The following ADAMTS14 variants were observed in gnomAD, a reference collection of about 807,000 sequenced individuals.
ADAMTS14 encodes the protein A disintegrin and metalloproteinase with thrombospondin motifs 14.
Under a neutral mutation model 128.6 loss-of-function variants are expected in ADAMTS14, and 100 were observed. The ratio of observed to expected loss-of-function variants is 0.78; its 90% CI spans 0.66 to 0.92. ADAMTS14 has a LOEUF of 0.92. ADAMTS14 is among the 40% of genes least tolerant of loss of function. The pLI is 0.00. For synonymous variants in ADAMTS14, 665 were observed against 653.8 expected (o/e 1.02, Z -0.26); for missense variants, 1,562 against 1,658.6 (o/e 0.94, Z 1.01).
chr10:70,687,339 C>T (rs1840005356), intron 2 of ADAMTS14, among the ~76,000 whole-genome samples: 1 of 77,382 alleles, frequency 1.3e-5, no homozygotes, highest in African/African-American at 5.1e-5. Flanking sequence ...GGGGGGCCGA[C>T]CCCCCCACCT....
At chr10:70,735,369 G>A (rs548302003) in intron 9 of ADAMTS14, 68 bp downstream of exon 9, 1 of 1,570,126 alleles carries the variant, frequency 6.4e-7, no homozygotes, top group African/African-American at 1.3e-5. Flanking sequence ...GGCCCATGCT[G>A]ACCATTCATG....
intron 2 of ADAMTS14, among the ~76,000 whole-genome samples, chr10:70,701,798 G>C (rs1050238458): frequency 6.6e-6 from 1 of 152,128 alleles, no homozygotes; most frequent in Non-Finnish European, 1.5e-5. Context: ...GCACACCCAC[G>C]TGCTTTCAAC....
At chr10:70,691,772 C>T (rs1840196487) in intron 2 of ADAMTS14, among the ~76,000 whole-genome samples, 1 of 152,144 alleles carries the variant, frequency 6.6e-6, no homozygotes, top group Non-Finnish European at 1.5e-5. Context: ...TCTAGATGGC[C>T]CTTGGTCATG....
At chr10:70,680,474 C>T (rs564712980) in intron 2 of ADAMTS14, among the ~76,000 whole-genome samples, 9 of 152,272 alleles carry the variant, frequency 5.9e-5, no homozygotes, top group East Asian at 1.9e-4. Context: ...AAGGGCCCCA[C>T]GAAAGGTGGT....
In ADAMTS14 at chr10:70,688,033, G is replaced by A. The variant is rs1205395460; in HGVS notation, c.522+13038G>A. ...GGAGACGCTCCTCACTTCCCAGATG[G>A]GGTGGCTGCCGGGCGGAGAGGCTCC... On this transcript the variant is annotated intron_variant, in intron 2 of 21. Coordinates refer to ENST00000373207, the MANE Select transcript of ADAMTS14 (RefSeq NM_080722.4). Among the ~76,000 whole-genome samples, 71 of 60,004 alleles carry A rather than the reference G, an allele frequency of 1.2e-3. 6 individuals carry two copies. Among genetic ancestry groups the A allele is most frequent in the Non-Finnish European group, 1.9e-3 (55 of 29,042 alleles). 39.4% of individuals were successfully genotyped at this position (60,004 alleles called of 152,430 possible). A position where few individuals can be genotyped will look rare whatever the true frequency, so the allele number is the denominator to read the frequency against.
Position 70,760,869 on chromosome 10 carries a change from C to G in ADAMTS14, c.*16C>G. The G allele has an allele frequency of 2.6e-6, 4 of 1,549,896 alleles. No individual in the cohort carries two copies. Among genetic ancestry groups the G allele is most frequent in the Non-Finnish European group, 3.5e-6 (4 of 1,146,094 alleles). On this transcript the variant is annotated 3_prime_UTR_variant, in exon 22 of 22. Transcript: ENST00000373207. Reference sequence around the variant, plus strand: ...GGTGACATGAGCTGTGCCCTGCCATCCCACTGGCACGTTTACACTCTGTGT... The same window carrying G: ...GGTGACATGAGCTGTGCCCTGCCATGCCACTGGCACGTTTACACTCTGTGT...
chr10:70,746,263 C>T (rs1037215225), intron 15 of ADAMTS14, among the ~76,000 whole-genome samples: 1 of 152,112 alleles, frequency 6.6e-6, no homozygotes, highest in African/African-American at 2.4e-5. Context: ...GAGAATACCA[C>T]AATAAGTTAA....
chr10:70,740,979 T>A lies in ADAMTS14; in HGVS notation c.1749-8T>A, dbSNP rs760166770. 1 of 1,612,988 alleles carries A rather than the reference T, an allele frequency of 6.2e-7. No homozygotes were observed. Among genetic ancestry groups the A allele is most frequent in the Non-Finnish European group, 8.5e-7 (1 of 1,179,142 alleles). On this transcript the variant is annotated splice_polypyrimidine_tract_variant and splice_region_variant and intron_variant, in intron 11 of 21. Transcript: ENST00000373207. ...GCAAGGTCATCCATTTCTCTGTGTC[T>A]GTCCCAGCCCAGCCTATGGAGGCCG... is the stretch of plus-strand genomic sequence containing the variant.
At chr10:70,696,359 G>A (rs1260830944) in intron 2 of ADAMTS14, among the ~76,000 whole-genome samples, 3 of 147,412 alleles carry the variant, frequency 2.0e-5, no homozygotes, top group Admixed American at 1.4e-4. Context: ...TGGGCAGGGG[G>A]GCAGTGTTGG....
At position 70,751,503 on chromosome 10, in the gene ADAMTS14, C is replaced by A. The variant is rs760981826; in HGVS notation, c.2453C>A (p.Pro818His). ...GCTCTCCCCCCAACTGAGGGTGGCC[C>A]CCGCAGCAGCCTGGCCTACAAGTAC... Reference protein sequence around the residue: ...ILALPPTEGGPRSSLAYKYVI... With the variant: ...ILALPPTEGGHRSSLAYKYVI... The change falls in exon 17 of 22, where the codon CCC (proline) becomes CAC (histidine). Residue 818 changes from proline to histidine, a missense_variant. By Grantham distance (77) the Pro-to-His change is moderately conservative. Transcript: ENST00000373207. 1.2e-6 allele frequency: 2 copies of A among 1,610,028 alleles called. No individual in the cohort carries two copies. The highest frequency in any genetic ancestry group is 1.1e-5 in the South Asian group (1 of 90,966).
chr10:70,691,503 A>AAC (rs1159543747), intron 2 of ADAMTS14, among the ~76,000 whole-genome samples: 4 of 144,366 alleles, frequency 2.8e-5, no homozygotes, highest in African/African-American at 9.8e-5. Flanking sequence ...AAAAAAAAAA[A>AAC]AAAAAACAAA....
intron 2 of ADAMTS14, 60 bp from the exon 3 acceptor site, chr10:70,702,252 G>C (rs1840515513): frequency 3.1e-6 from 5 of 1,609,768 alleles, no homozygotes; most frequent in Admixed American, 1.7e-5. Flanking sequence ...CCTGTCGGCT[G>C]TACTGTGTGT....
chr10:70,742,103 C>T (rs566053984), intron 12 of ADAMTS14, among the ~76,000 whole-genome samples: 1 of 152,322 alleles, frequency 6.6e-6, no homozygotes, highest in East Asian at 1.9e-4. Context: ...ACCTCAGAGG[C>T]CTGTCATTGC....
At position 70,758,052 on chromosome 10, in the gene ADAMTS14, C is replaced by G. The variant is rs1435777351; in HGVS notation, c.3028C>G (p.Pro1010Ala). ...NSLGHCEGDR[P>A]DTVQVCSLPA... ...CCTCGGGCATTGCGAGGGGGATAGGCCAGACACTGTCCAGGTCTGCAGCCT... is the reference window on the plus strand; with the variant it reads ...CCTCGGGCATTGCGAGGGGGATAGGGCAGACACTGTCCAGGTCTGCAGCCT... The change falls in exon 20 of 22, where the codon CCA becomes GCA. Residue 1010 changes from proline to alanine, a missense_variant. Transcript: ENST00000373207. 3.7e-6 allele frequency: 6 copies of G among 1,613,620 alleles called. No individual in the cohort carries two copies. Among genetic ancestry groups the G allele is most frequent in the Non-Finnish European group, 5.1e-6 (6 of 1,179,830 alleles).
In ADAMTS14 at chr10:70,733,980, G is replaced by A. The variant is rs577224925; in HGVS notation, c.1304G>A (p.Arg435His). Residue 435 changes from arginine (R) to histidine (H), a missense_variant, in exon 8 of 22, where the codon CGC (arginine) becomes CAC (histidine). Coordinates refer to ENST00000373207, the MANE Select transcript of ADAMTS14 (RefSeq NM_080722.4). ...CCCCTGGTGCAGGCTGCCTTCCACC[G>A]CTTCCATTGGTCCCGCTGCAGCAAG... ...MAPLVQAAFH[R>H]FHWSRCSKLE... is the part of the protein sequence containing the mutation. 2.1e-5 allele frequency: 34 copies of A among 1,613,760 alleles called. No homozygotes were observed. Among genetic ancestry groups the A allele is most frequent in the South Asian group, 1.3e-4 (12 of 91,080 alleles).
chr10:70,681,788 C>A (rs1223860772), intron 2 of ADAMTS14, among the ~76,000 whole-genome samples: 1 of 152,256 alleles, frequency 6.6e-6, no homozygotes, highest in African/African-American at 2.4e-5. Flanking sequence ...ACCCAGCTGG[C>A]TTGTCCCCTT....
At chr10:70,687,595 G>A (rs1840016845) in intron 2 of ADAMTS14, among the ~76,000 whole-genome samples, 6 of 24,214 alleles carry the variant, frequency 2.5e-4, no homozygotes, top group African/African-American at 7.8e-4. Context: ...CCGGGCAGAG[G>A]CGCCCCTCAC....
chr10:70,717,033 T>C (rs374534825), intron 4 of ADAMTS14, among the ~76,000 whole-genome samples: 1 of 152,324 alleles, frequency 6.6e-6, no homozygotes, highest in South Asian at 2.1e-4. Context: ...CTATACTGGG[T>C]CATCTTCCTT....
rs747059045 is a variant in ADAMTS14 at position 70,752,197 on chromosome 10, G to C, written c.2699G>C (p.Arg900Pro). 6.2e-7 allele frequency: 1 copy of C among 1,613,758 alleles called. No homozygotes were observed. Among genetic ancestry groups the C allele is most frequent in the Non-Finnish European group, 8.5e-7 (1 of 1,179,954 alleles). Residue 900 changes from arginine (R) to proline (P), a missense_variant, in exon 18 of 22, where the codon CGC (arginine) becomes CCC (proline). Transcript: ENST00000373207. ...AAGAGGCCCAAGCCCATCCGCCGGC[G>C]CTGCAACCAGCACCCGTGCTCTCAG... ...HKKRPKPIRR[R>P]CNQHPCSQPV...
Sources: allele counts gnomAD v4.1 joint callset (sites outside exome capture counted in the v4.1 genomes callset), GRCh38; gene constraint gnomAD v4.1.1; transcripts MANE v1.5; gene names NCBI Gene and HGNC (gene_info 2026-07-23, HGNC 2026-07-21).